The following TMX2 variants were observed in gnomAD, a reference collection of about 807,000 sequenced individuals.
The protein encoded by TMX2 is thioredoxin-related transmembrane protein 2.
Under a neutral mutation model 33.4 loss-of-function variants are expected in TMX2, and 20 were observed. That is an observed-to-expected ratio of 0.60 (90% CI 0.42 to 0.87). The LOEUF is 0.87. TMX2 is among the 40% of genes least tolerant of loss of function. The pLI, the probability that TMX2 is intolerant of heterozygous loss-of-function variation, is 0.00. For missense variants in TMX2, 340 were observed against 370.7 expected (o/e 0.92, Z 0.68); for synonymous variants, 166 against 140.7 (o/e 1.18, Z -1.27).
At chr11:57,739,892 A>C (rs1948986996) in intron 7 of TMX2, among the ~76,000 whole-genome samples, 2 of 152,148 alleles carry the variant, frequency 1.3e-5, no homozygotes, top group South Asian at 4.1e-4. Context: ...ATTTAGGTAT[A>C]ATTCTTGGCA....
Position 57,739,173 on chromosome 11 carries a change from C to T in TMX2, c.657C>T (p.Thr219=). 1 of 1,614,114 alleles carries T rather than the reference C, an allele frequency of 6.2e-7. No homozygotes were observed. The highest frequency in any genetic ancestry group is 1.3e-5 in the African/African-American group (1 of 75,032). Residue 219 remains threonine, a synonymous_variant, in exon 7 of 8, where the codon ACC becomes ACT. Coordinates refer to ENST00000278422, the MANE Select transcript of TMX2 (RefSeq NM_015959.4). Reference sequence around the variant, plus strand: ...CACCCCTCACCAAGCAACTCCCTACCCTGATCCTGTTCCAAGGTGGCAAGG... The same window carrying T: ...CACCCCTCACCAAGCAACTCCCTACTCTGATCCTGTTCCAAGGTGGCAAGG... ...STSPLTKQLP[T]LILFQGGKEA...
intron 7 of TMX2, 110 bp from the exon 8 acceptor site, chr11:57,739,989 C>A: frequency 6.7e-7 from 1 of 1,502,888 alleles, no homozygotes; most frequent in Non-Finnish European, 9.0e-7. Context: ...GATTTTTGTC[C>A]TTTGCTTACT....
chr11:57,721,263 C>T (rs551617048), intron 1 of TMX2, among the ~76,000 whole-genome samples: 259 of 151,880 alleles, frequency 1.7e-3, no homozygotes, highest in Non-Finnish European at 3.1e-3. Flanking sequence ...ATAGTGCCAC[C>T]GCACCCCAGC....
chr11:57,720,717 T>A (rs931866070), intron 1 of TMX2, among the ~76,000 whole-genome samples: 4 of 152,190 alleles, frequency 2.6e-5, no homozygotes, highest in African/African-American at 9.7e-5. Context: ...TTTTTATAAG[T>A]GTTTCTTTTT....
At chr11:57,717,955 G>A (rs931198231) in intron 1 of TMX2, 1 of 701,102 alleles carries the variant, frequency 1.4e-6, no homozygotes, top group Non-Finnish European at 2.5e-6. Flanking sequence ...AGGATACTGC[G>A]AGCAAATGGG....
At chr11:57,720,024 C>CA (rs1947490907) in intron 1 of TMX2, among the ~76,000 whole-genome samples, 1 of 151,538 alleles carries the variant, frequency 6.6e-6, no homozygotes, top group South Asian at 2.1e-4. Flanking sequence ...CGCGGTGGCT[C>CA]ACGCCTATAA....
At chr11:57,726,235 A>C (rs1351482394) in intron 1 of TMX2, among the ~76,000 whole-genome samples, 1 of 151,926 alleles carries the variant, frequency 6.6e-6, no homozygotes, top group Non-Finnish European at 1.5e-5. Flanking sequence ...CAACATGGTG[A>C]AACCCCATCT....
At position 57,740,202 on chromosome 11, in the gene TMX2, C is replaced by T. The variant is rs537111650; in HGVS notation, c.848C>T (p.Thr283Ile). Residue 283 changes from threonine to isoleucine, a missense_variant, in exon 8 of 8, where the codon ACC (threonine) becomes ATC (isoleucine). Transcript: ENST00000278422. ...NIPEEQPVASTPTTVSDGENK... is the reference protein window; with the variant it reads ...NIPEEQPVASIPTTVSDGENK... ...CCTGAGGAGCAGCCTGTGGCTTCAA[C>T]CCCCACCACAGTGTCAGATGGGGAA... 262 of 1,612,960 alleles carry T rather than the reference C, an allele frequency of 1.6e-4. 1 individual carries two copies. The South Asian group carries it at 2.2e-3, about 14-fold the overall frequency.
intron 1 of TMX2, among the ~76,000 whole-genome samples, chr11:57,714,383 A>G (rs1188325728): frequency 6.6e-6 from 1 of 152,218 alleles, no homozygotes; most frequent in African/African-American, 2.4e-5. Context: ...GAACAAGACA[A>G]ACAAAGCTTA....
At chr11:57,715,001 A>G (rs1423718827) in intron 1 of TMX2, among the ~76,000 whole-genome samples, 1 of 152,198 alleles carries the variant, frequency 6.6e-6, no homozygotes, top group African/African-American at 2.4e-5. Context: ...TTTTATTTTC[A>G]TTAGACTTTG....
chr11:57,738,754 G>A lies in TMX2; in HGVS notation c.532G>A (p.Ala178Thr). The stretch of plus-strand genomic sequence containing the variant: ...CTGCCAATCATTTGCCCCTATCTAT[G>A]CTGACCTCTCCCTTAAGTGAGTAGT... ...NDCQSFAPIY[A>T]DLSLKYNCTG... The change falls in exon 5 of 8, where the codon GCT becomes ACT. Residue 178 changes from alanine to threonine, a missense_variant. This residue lies in a region of TMX2 where 209 missense variants were observed against 241.6 expected (regional missense o/e 0.87). Transcript: ENST00000278422. The A allele has an allele frequency of 6.2e-7, 1 of 1,613,830 alleles. No individual in the cohort carries two copies. Among genetic ancestry groups the A allele is most frequent in the Middle Eastern group, 1.6e-4 (1 of 6,062 alleles).
intron 1 of TMX2, among the ~76,000 whole-genome samples, chr11:57,716,785 G>A (rs1455050795): frequency 5.3e-5 from 8 of 149,800 alleles, no homozygotes; most frequent in Non-Finnish European, 8.9e-5. Context: ...CAGTAGGGGC[G>A]GCTGGGCAGA....
Position 57,740,345 on chromosome 11 carries a change from C to T in TMX2, c.*100C>T. 2.2e-6 allele frequency: 3 copies of T among 1,381,164 alleles called. No homozygotes were observed. The highest frequency in any genetic ancestry group is 2.9e-6 in the Non-Finnish European group (3 of 1,045,868). The allele number at this position is 1,381,164 out of a possible 1,614,324, so 85.6% of individuals were successfully genotyped here. Reference sequence around the variant, plus strand: ...CCTTTTATTTATGTTTTCCCTTTGGCTGTGACTGGGTGGGGCAGCATGCAG... The same window carrying T: ...CCTTTTATTTATGTTTTCCCTTTGGTTGTGACTGGGTGGGGCAGCATGCAG... On this transcript the variant is annotated 3_prime_UTR_variant, in exon 8 of 8. Coordinates refer to ENST00000278422, the MANE Select transcript of TMX2 (RefSeq NM_015959.4).
At chr11:57,724,381 C>T (rs1006234256) in intron 1 of TMX2, among the ~76,000 whole-genome samples, 1 of 152,050 alleles carries the variant, frequency 6.6e-6, no homozygotes, top group African/African-American at 2.4e-5. Context: ...AGCCATGTTG[C>T]ACTAGCTTTA....
chr11:57,727,895 A>G (rs948304902), intron 1 of TMX2, among the ~76,000 whole-genome samples: 3 of 152,354 alleles, frequency 2.0e-5, no homozygotes, highest in South Asian at 2.1e-4. Flanking sequence ...CTTTCTGTGA[A>G]TCCCAGGTCT....
At chr11:57,726,009 A>G (rs901457417) in intron 1 of TMX2, among the ~76,000 whole-genome samples, 3 of 152,220 alleles carry the variant, frequency 2.0e-5, no homozygotes, top group African/African-American at 7.2e-5. Context: ...AGATATGTAT[A>G]TATACATATT....
chr11:57,713,462 T>G (rs544236906), intron 1 of TMX2, among the ~76,000 whole-genome samples: 65 of 152,330 alleles, frequency 4.3e-4, no homozygotes, highest in African/African-American at 1.6e-3. Context: ...TTGGGATTTC[T>G]TTGGGAAGTG....
At chr11:57,733,376 C>T (rs1475553042) in intron 1 of TMX2, among the ~76,000 whole-genome samples, 1 of 151,308 alleles carries the variant, frequency 6.6e-6, no homozygotes, top group African/African-American at 2.4e-5. Context: ...CTGCCTTAGC[C>T]TCCTAGTAGC....
In TMX2 at chr11:57,719,514, CTTTTTT is replaced by C. The variant is rs1183104624; in HGVS notation, c.189+6726_189+6731del. On this transcript the variant is annotated intron_variant, in intron 1 of 7. Transcript: ENST00000278422. ...AATGTAAAATTTCTTTTTTCTTTGT[CTTTTTT>C]TTTTTTTTTTTTTTTTTTGAGACAG... 2.3e-3 allele frequency among the ~76,000 whole-genome samples: 165 copies of C among 70,526 alleles called. 1 individual carries two copies. Among genetic ancestry groups the C allele is most frequent in the African/African-American group, 8.7e-3 (155 of 17,808 alleles). 46.3% of individuals were successfully genotyped at this position (70,526 alleles called of 152,430 possible).
Sources: gnomAD v4.1 joint callset for allele counts (sites outside exome capture counted in the v4.1 genomes callset) on GRCh38, gnomAD v4.1.1 for gene constraint, gnomAD v4.1.1 regional missense constraint, MANE v1.5 for transcripts, NCBI Gene and HGNC (gene_info 2026-07-23, HGNC 2026-07-21) for gene names.